Variants in DENND11 observed in about 807,000 individuals in gnomAD.
DENND11 encodes DENN domain containing 11, also known as DENN domain-containing protein 11.
DENND11 carries 34 observed loss-of-function variants against 49.2 expected under a neutral mutation model. That is an observed-to-expected ratio of 0.69 (90% CI 0.53 to 0.92). DENND11 has a LOEUF of 0.92. DENND11 is among the 40% of genes least tolerant of loss of function. The pLI is 0.00. For synonymous variants in DENND11, 238 were observed against 230.3 expected (o/e 1.03, Z -0.30); for missense variants, 475 against 581.6 (o/e 0.82, Z 1.88).
At chr7:141,669,977 A>T (rs1216852530) in intron 4 of DENND11, among the ~76,000 whole-genome samples, 1 of 150,264 alleles carries the variant, frequency 6.7e-6, no homozygotes, top group Non-Finnish European at 1.5e-5. Flanking sequence ...CGCCCGGCTA[A>T]TTTTTTGTAT....
At chr7:141,690,877 A>G (rs1005414951) in intron 1 of DENND11, among the ~76,000 whole-genome samples, 4 of 152,246 alleles carry the variant, frequency 2.6e-5, no homozygotes, top group Non-Finnish European at 4.4e-5. Context: ...CGTGAGATCA[A>G]TACAGTGCTT....
intron 4 of DENND11, among the ~76,000 whole-genome samples, chr7:141,667,659 C>T (rs1183830177): frequency 1.3e-5 from 2 of 152,154 alleles, no homozygotes; most frequent in Admixed American, 6.5e-5. Context: ...GAGGCACCGA[C>T]TCTCGGGCTG....
At chr7:141,695,440 G>A (rs1227955565) in intron 1 of DENND11, among the ~76,000 whole-genome samples, 8 of 152,178 alleles carry the variant, frequency 5.3e-5, no homozygotes, top group African/African-American at 1.2e-4. Flanking sequence ...GGAATGAAGC[G>A]CTATCAGGGC....
intron 1 of DENND11, among the ~76,000 whole-genome samples, chr7:141,690,220 C>T (rs1482196230): frequency 1.3e-5 from 2 of 152,156 alleles, no homozygotes; most frequent in African/African-American, 2.4e-5. Context: ...AGCCACCATC[C>T]CTTGATCTTC....
chr7:141,664,888 C>A lies in DENND11; in HGVS notation c.1103+16G>T. On this transcript the variant is annotated intron_variant, in intron 7 of 8. Transcript: ENST00000536163. ...AGGAGGGTGGAGCCCCTGGTTCTCC[C>A]CTTAGCTGCCACTACCTCTGCTCGT... 1.2e-6 allele frequency: 2 copies of A among 1,605,640 alleles called. No homozygotes were observed. The highest frequency in any genetic ancestry group is 2.2e-5 in the South Asian group (2 of 89,412).
chr7:141,677,483 TTA>T (rs943872128), intron 3 of DENND11, among the ~76,000 whole-genome samples: 28 of 139,350 alleles, frequency 2.0e-4, no homozygotes, highest in East Asian at 6.1e-4. Flanking sequence ...TTATATATAT[TTA>T]TATGTGTGTG....
intron 4 of DENND11, among the ~76,000 whole-genome samples, chr7:141,672,158 AC>A (rs1797992722): frequency 6.6e-6 from 1 of 151,944 alleles, no homozygotes; most frequent in Admixed American, 6.6e-5. Context: ...CTGTGCAGGG[AC>A]CCCTCCTGCA....
In DENND11 at chr7:141,702,089, G is replaced by A. The variant is rs1798531642; in HGVS notation, c.65C>T (p.Pro22Leu). 2 of 985,436 alleles carry A rather than the reference G, an allele frequency of 2.0e-6. No homozygotes were observed. Among genetic ancestry groups the A allele is most frequent in the Middle Eastern group, 5.2e-4 (1 of 1,924 alleles). The allele number at this position is 985,436 out of a possible 1,614,324, so 61.0% of individuals were successfully genotyped here. A position where few individuals can be genotyped will look rare whatever the true frequency, so the allele number is the denominator to read the frequency against. Residue 22 changes from proline to leucine, a missense_variant, in exon 1 of 9, where the codon CCG (proline) becomes CTG (leucine). Coordinates refer to ENST00000536163, the MANE Select transcript of DENND11 (RefSeq NM_001080392.2). ...RWAEGPAVSL[P>L]QAPQPQAGGW... ...TCCCGCCTGCGGCTGCGGGGCCTGCGGCAGGGAGACGGCGGGGCCCTCGGC... is the reference window on the plus strand; with the variant it reads ...TCCCGCCTGCGGCTGCGGGGCCTGCAGCAGGGAGACGGCGGGGCCCTCGGC...
At position 141,657,234 on chromosome 7, in the gene DENND11, A is replaced by G. The variant is rs1797709750; in HGVS notation, c.*5422T>C. On this transcript the variant is annotated 3_prime_UTR_variant, in exon 9 of 9. Transcript: ENST00000536163. Reference sequence around the variant, plus strand: ...GACCTATACAAAAATTCAGTCAACAAGTTTTGGGTAAATAAAGGAAATTCA... The same window carrying G: ...GACCTATACAAAAATTCAGTCAACAGGTTTTGGGTAAATAAAGGAAATTCA... 6.6e-6 allele frequency: 1 copy of G among 152,472 alleles called. No homozygotes were observed. The highest frequency in any genetic ancestry group is 1.9e-4 in the East Asian group (1 of 5,198). 9.4% of individuals were successfully genotyped at this position (152,472 alleles called of 1,614,324 possible).
chr7:141,672,890 G>T (rs1380019517), intron 4 of DENND11, among the ~76,000 whole-genome samples: 1 of 151,928 alleles, frequency 6.6e-6, no homozygotes, highest in African/African-American at 2.4e-5. Context: ...TACCTACATG[G>T]TCTCTTTACC....
intron 3 of DENND11, among the ~76,000 whole-genome samples, chr7:141,678,349 A>C (rs1183932426): frequency 6.6e-6 from 1 of 152,228 alleles, no homozygotes; most frequent in Non-Finnish European, 1.5e-5. Context: ...GAATGGTATA[A>C]AACGAAATGT....
At position 141,662,482 on chromosome 7, in the gene DENND11, C is replaced by T. The variant is rs1215587789; in HGVS notation, c.*174G>A. On this transcript the variant is annotated 3_prime_UTR_variant, in exon 9 of 9. Coordinates refer to ENST00000536163, the MANE Select transcript of DENND11 (RefSeq NM_001080392.2). ...GGACACAAAACCAAGGTGATCTCAC[C>T]TTATCTCTAGGGAAAAGGGCAGAAA... The T allele has an allele frequency of 2.1e-6, 1 of 473,864 alleles. No homozygotes were observed. The highest frequency in any genetic ancestry group is 3.6e-6 in the Non-Finnish European group (1 of 274,620). 29.4% of individuals were successfully genotyped at this position (473,864 alleles called of 1,614,324 possible).
chr7:141,674,855 A>AACCCCAG (rs1375897395), intron 3 of DENND11, among the ~76,000 whole-genome samples: 1 of 152,156 alleles, frequency 6.6e-6, no homozygotes, highest in Non-Finnish European at 1.5e-5. Flanking sequence ...CCTGCTGGCC[A>AACCCCAG]ACCCCAGACC....
intron 7 of DENND11, 118 bp downstream of exon 7, chr7:141,664,786 A>T: frequency 8.4e-7 from 1 of 1,195,146 alleles, no homozygotes; most frequent in Admixed American, 2.6e-5. Context: ...CCCAGGCAGC[A>T]TGGAGACTGG....
At chr7:141,696,398 T>G (rs1186653678) in intron 1 of DENND11, among the ~76,000 whole-genome samples, 1 of 152,224 alleles carries the variant, frequency 6.6e-6, no homozygotes. Flanking sequence ...TCAAAATATT[T>G]AAAATAGAGA....
intron 1 of DENND11, among the ~76,000 whole-genome samples, chr7:141,697,468 C>T (rs910588577): frequency 6.6e-5 from 10 of 152,166 alleles, no homozygotes; most frequent in African/African-American, 1.4e-4. Flanking sequence ...GGAAGGATGG[C>T]GACATGACAG....
Position 141,656,848 on chromosome 7 carries a change from G to C in DENND11, c.*5808C>G, listed in dbSNP as rs1797703328. ...GATATGATATTCATAGATGTTATTTGTACCACAGAACAAAATCAATTCAAG... is the reference window on the plus strand; with the variant it reads ...GATATGATATTCATAGATGTTATTTCTACCACAGAACAAAATCAATTCAAG... On this transcript the variant is annotated 3_prime_UTR_variant, in exon 9 of 9. Transcript: ENST00000536163. 6.5e-6 allele frequency: 1 copy of C among 152,904 alleles called. No homozygotes were observed. Among genetic ancestry groups the C allele is most frequent in the Non-Finnish European group, 1.5e-5 (1 of 68,116 alleles). The allele number at this position is 152,904 out of a possible 1,614,324, so 9.5% of individuals were successfully genotyped here.
At chr7:141,687,937 C>T (rs191053495) in intron 1 of DENND11, among the ~76,000 whole-genome samples, 306 of 151,998 alleles carry the variant, frequency 2.0e-3, no homozygotes, top group Middle Eastern at 0.01. Flanking sequence ...CCCGGCCATG[C>T]CCAGCTATTT....
At chr7:141,694,581 T>C (rs1396626849) in intron 1 of DENND11, among the ~76,000 whole-genome samples, 1 of 152,148 alleles carries the variant, frequency 6.6e-6, no homozygotes, top group African/African-American at 2.4e-5. Context: ...CTGAAAAATT[T>C]AGAAATGAAA....
Sources: gnomAD v4.1 joint callset for allele counts (sites outside exome capture counted in the v4.1 genomes callset) on GRCh38, gnomAD v4.1.1 for gene constraint, MANE v1.5 for transcripts, NCBI Gene and HGNC (gene_info 2026-07-23, HGNC 2026-07-21) for gene names.